Variants in SHISA6 observed in about 807,000 individuals in gnomAD.
The protein encoded by SHISA6 is shisa family member 6.
In SHISA6, 22 loss-of-function variants were observed where a neutral mutation model predicts 47.9. The ratio of observed to expected loss-of-function variants is 0.46; its 90% CI spans 0.33 to 0.66. SHISA6 has a LOEUF of 0.66. SHISA6 is among the 30% of genes least tolerant of loss of function. The pLI, the probability that SHISA6 is intolerant of heterozygous loss-of-function variation, is 0.02. For missense variants in SHISA6, 680 were observed against 764.6 expected (o/e 0.89, Z 1.30); for synonymous variants, 388 against 337.8 (o/e 1.15, Z -1.63).
intron 2 of SHISA6, among the ~76,000 whole-genome samples, chr17:11,277,229 C>A (rs1908934061): frequency 6.8e-6 from 1 of 146,648 alleles, no homozygotes. Flanking sequence ...CCTCCCCATC[C>A]CCGGTTTCTC....
intron 3 of SHISA6, among the ~76,000 whole-genome samples, chr17:11,504,700 G>T (rs55893905): frequency 0.088 from 13,452 of 152,226 alleles, 736 homozygotes; most frequent in Middle Eastern, 0.13. Flanking sequence ...GGTCAACTCA[G>T]CAGGGATGCC....
intron 2 of SHISA6, among the ~76,000 whole-genome samples, chr17:11,360,212 G>T (rs777754375): frequency 6.6e-6 from 1 of 152,092 alleles, no homozygotes. Flanking sequence ...AAACTAATAC[G>T]GGAACAGAAA....
intron 3 of SHISA6, among the ~76,000 whole-genome samples, chr17:11,422,776 A>G (rs1914487458): frequency 6.6e-6 from 1 of 151,514 alleles, no homozygotes. Flanking sequence ...AAAAAAAAAA[A>G]AAAAGTACAT....
chr17:11,501,113 A>G (rs1441837225), intron 3 of SHISA6, among the ~76,000 whole-genome samples: 1 of 133,948 alleles, frequency 7.5e-6, no homozygotes, highest in Non-Finnish European at 1.6e-5. Flanking sequence ...TGCTTCCAAC[A>G]CATTTTTTTT....
intron 3 of SHISA6, among the ~76,000 whole-genome samples, chr17:11,461,950 T>C (rs1301452899): frequency 6.6e-6 from 1 of 152,190 alleles, no homozygotes; most frequent in Non-Finnish European, 1.5e-5. Context: ...TTTAAAAATA[T>C]AGTTAATACA....
At chr17:11,545,823 T>C (rs765387238) in intron 3 of SHISA6, among the ~76,000 whole-genome samples, 1 of 152,172 alleles carries the variant, frequency 6.6e-6, no homozygotes, top group African/African-American at 2.4e-5. Context: ...CTTTCATGTA[T>C]CCTTCTCATG....
At chr17:11,444,776 A>G (rs1169781513) in intron 3 of SHISA6, among the ~76,000 whole-genome samples, 2 of 152,172 alleles carry the variant, frequency 1.3e-5, no homozygotes, top group Non-Finnish European at 2.9e-5. Flanking sequence ...CAGGTCACCA[A>G]ACAGTTAACA....
chr17:11,272,482 G>A (rs1328398503), intron 2 of SHISA6, among the ~76,000 whole-genome samples: 18 of 152,084 alleles, frequency 1.2e-4, no homozygotes, highest in Admixed American at 1.2e-3. Flanking sequence ...TTGGAACCCC[G>A]CTCTGCCTTC....
At chr17:11,317,829 C>A (rs991431461) in intron 2 of SHISA6, among the ~76,000 whole-genome samples, 1 of 147,844 alleles carries the variant, frequency 6.8e-6, no homozygotes, top group Non-Finnish European at 1.5e-5. Flanking sequence ...TTTTATTATT[C>A]TAGATATAAT....
intron 2 of SHISA6, among the ~76,000 whole-genome samples, chr17:11,360,283 G>A (rs1449889615): frequency 6.6e-6 from 1 of 152,160 alleles, no homozygotes; most frequent in Non-Finnish European, 1.5e-5. Context: ...ACATGGGCCG[G>A]GCATGGTGGC....
chr17:11,330,692 C>T (rs965923043), intron 2 of SHISA6, among the ~76,000 whole-genome samples: 1 of 152,106 alleles, frequency 6.6e-6, no homozygotes, highest in Non-Finnish European at 1.5e-5. Context: ...TAAAAAGATC[C>T]ATGCGTGAAG....
At chr17:11,485,609 T>C (rs1476117339) in intron 3 of SHISA6, among the ~76,000 whole-genome samples, 1 of 152,100 alleles carries the variant, frequency 6.6e-6, no homozygotes, top group African/African-American at 2.4e-5. Context: ...TGAGCCTCTT[T>C]CTCTGCAAAA....
chr17:11,337,730 A>G (rs891228649), intron 2 of SHISA6, among the ~76,000 whole-genome samples: 2 of 152,152 alleles, frequency 1.3e-5, no homozygotes, highest in African/African-American at 2.4e-5. Context: ...AGGAGAGTCC[A>G]TGTCACAGTC....
At chr17:11,324,032 G>A (rs370856553) in intron 2 of SHISA6, among the ~76,000 whole-genome samples, 92 of 152,190 alleles carry the variant, frequency 6.0e-4, no homozygotes, top group Middle Eastern at 3.4e-3. Flanking sequence ...ACATCTCAGC[G>A]TGCACACCCA....
intron 2 of SHISA6, among the ~76,000 whole-genome samples, chr17:11,293,317 A>C (rs1909621592): frequency 6.6e-6 from 1 of 152,166 alleles, no homozygotes; most frequent in African/African-American, 2.4e-5. Flanking sequence ...AAAAGGTTAC[A>C]GGGGCTATAG....
At chr17:11,522,683 C>T (rs1197669082) in intron 3 of SHISA6, among the ~76,000 whole-genome samples, 3 of 152,178 alleles carry the variant, frequency 2.0e-5, no homozygotes, top group Admixed American at 6.5e-5. Flanking sequence ...CCAGGCTGGC[C>T]TTGAAGTCCT....
chr17:11,257,141 G>GCA, intron 1 of SHISA6, among the ~76,000 whole-genome samples: 1 of 152,290 alleles, frequency 6.6e-6, no homozygotes, highest in African/African-American at 2.4e-5. Flanking sequence ...GCAGTCTTGT[G>GCA]CACACACAAA....
chr17:11,354,689 G>A (rs1912023350), intron 2 of SHISA6, among the ~76,000 whole-genome samples: 2 of 152,330 alleles, frequency 1.3e-5, no homozygotes, highest in African/African-American at 2.4e-5. Context: ...GCAGTTCAGA[G>A]GGTACAGCAG....
At chr17:11,532,761 T>A (rs966330045) in intron 3 of SHISA6, among the ~76,000 whole-genome samples, 1 of 147,692 alleles carries the variant, frequency 6.8e-6, no homozygotes, top group Non-Finnish European at 1.5e-5. Flanking sequence ...TTTTTTTTTT[T>A]TTTCATTTCA....
Sources: gnomAD v4.1 joint callset for allele counts (sites outside exome capture counted in the v4.1 genomes callset) on GRCh38, gnomAD v4.1.1 for gene constraint, MANE v1.5 for transcripts, NCBI Gene and HGNC (gene_info 2026-07-23, HGNC 2026-07-21) for gene names.